The following BLTP1 variants were observed in gnomAD, a reference collection of about 807,000 sequenced individuals.
BLTP1 encodes the protein bridge-like lipid transfer protein family member 1, also known as fragile site-associated protein.
At chr4:122,288,510 A>G in the BLTP1 span, among the ~76,000 whole-genome samples, 2 of 151,920 alleles carry the variant, frequency 1.3e-5, no homozygotes, top group Non-Finnish European at 1.5e-5. Flanking sequence ...GTGAAACCCT[A>G]TCATAGTGGT....
At chr4:122,175,091 A>G in the BLTP1 span, 68 of 963,476 alleles carry the variant, frequency 7.1e-5, no homozygotes, top group Non-Finnish European at 8.3e-5. Flanking sequence ...TATGAATATA[A>G]TAAGGATATG....
At chr4:122,184,209 T>C in the BLTP1 span, among the ~76,000 whole-genome samples, 1 of 152,176 alleles carries the variant, frequency 6.6e-6, no homozygotes, top group African/African-American at 2.4e-5. Context: ...GTTAAGTGAA[T>C]GTGTCAAAAG....
At chr4:122,250,672 T>C in the BLTP1 span, 22 of 1,167,614 alleles carry the variant, frequency 1.9e-5, no homozygotes, top group African/African-American at 3.4e-4. Context: ...TGTATTTGCC[T>C]GTCTTTCCCT....
chr4:122,319,301 G>C, the BLTP1 span, among the ~76,000 whole-genome samples: 1 of 151,592 alleles, frequency 6.6e-6, no homozygotes, highest in Non-Finnish European at 1.5e-5. Context: ...TTCTAAGATA[G>C]AAGTTTAGAT....
the BLTP1 span, chr4:122,346,457 C>G: frequency 1.0e-6 from 1 of 984,738 alleles, no homozygotes; most frequent in Non-Finnish European, 1.2e-6. Flanking sequence ...GTGGTACTAA[C>G]AGTGTTAGAA....
At chr4:122,334,653 T>C in the BLTP1 span, 1 of 1,113,448 alleles carries the variant, frequency 9.0e-7, no homozygotes, top group East Asian at 2.5e-5. Flanking sequence ...AAAAAGGACA[T>C]ACATTTGTCA....
the BLTP1 span, chr4:122,307,806 AT>A: frequency 3.4e-6 from 5 of 1,464,664 alleles, no homozygotes; most frequent in East Asian, 1.2e-4. Flanking sequence ...GTCCTCTTAG[AT>A]CTTTCCTAAT....
At chr4:122,259,552 A>G in the BLTP1 span, among the ~76,000 whole-genome samples, 1 of 152,124 alleles carries the variant, frequency 6.6e-6, no homozygotes, top group South Asian at 2.1e-4. Flanking sequence ...TTTTGTGAGC[A>G]CTGAAAAAGT....
chr4:122,242,724 A>G, the BLTP1 span, among the ~76,000 whole-genome samples: 1 of 152,194 alleles, frequency 6.6e-6, no homozygotes, highest in Non-Finnish European at 1.5e-5. Flanking sequence ...CTCAATTTAA[A>G]AAGAAACTCT....
chr4:122,336,931 A>G, the BLTP1 span: 9 of 1,611,680 alleles, frequency 5.6e-6, no homozygotes, highest in Non-Finnish European at 7.6e-6. Context: ...ACCAGATCCT[A>G]TGGAAGAATC....
At chr4:122,279,970 G>C in the BLTP1 span, 1 of 1,613,950 alleles carries the variant, frequency 6.2e-7, no homozygotes, top group African/African-American at 1.3e-5. Flanking sequence ...TAATCAGACA[G>C]CCTTCTACAG....
the BLTP1 span, chr4:122,243,815 G>C: frequency 7.0e-7 from 1 of 1,433,480 alleles, no homozygotes; most frequent in Non-Finnish European, 9.2e-7. Context: ...TCTAATTCAT[G>C]GTCTTTTTAA....
the BLTP1 span, chr4:122,298,997 G>A: frequency 8.0e-5 from 79 of 985,254 alleles, no homozygotes; most frequent in Non-Finnish European, 9.4e-5. Flanking sequence ...CAACACAGGT[G>A]CTTTATACTT....
chr4:122,214,569 A>G, the BLTP1 span: 2 of 910,814 alleles, frequency 2.2e-6, no homozygotes, highest in Admixed American at 1.4e-4. Flanking sequence ...TCTACCTTAC[A>G]TTTGATCAAC....
the BLTP1 span, among the ~76,000 whole-genome samples, chr4:122,283,178 A>G: frequency 6.6e-6 from 1 of 152,034 alleles, no homozygotes; most frequent in African/African-American, 2.4e-5. Flanking sequence ...GAGTTTTGCT[A>G]TTCATATTTA....
At chr4:122,338,272 G>A in the BLTP1 span, among the ~76,000 whole-genome samples, 1 of 151,850 alleles carries the variant, frequency 6.6e-6, no homozygotes, top group Non-Finnish European at 1.5e-5. Context: ...TTTGAGACCA[G>A]CCTGGGCAAC....
chr4:122,328,167 T>C, the BLTP1 span: 1 of 1,610,942 alleles, frequency 6.2e-7, no homozygotes, highest in Non-Finnish European at 8.5e-7. Flanking sequence ...CCATTATTCA[T>C]CAAATAGTGA....
the BLTP1 span, chr4:122,238,247 C>T: frequency 6.2e-7 from 1 of 1,613,976 alleles, no homozygotes; most frequent in African/African-American, 1.3e-5. Context: ...TGCTGCACAG[C>T]CTTTGTTGGC....
At chr4:122,273,616 C>T in the BLTP1 span, among the ~76,000 whole-genome samples, 1 of 151,840 alleles carries the variant, frequency 6.6e-6, no homozygotes, top group Non-Finnish European at 1.5e-5. Context: ...TTGGTTTAAC[C>T]TGCCTGAAGG....
Sources: gnomAD v4.1 joint callset for allele counts (sites outside exome capture counted in the v4.1 genomes callset) on GRCh38, gnomAD v4.1.1 for gene constraint, MANE v1.5 for transcripts, NCBI Gene and HGNC (gene_info 2026-07-23, HGNC 2026-07-21) for gene names.